Variants in VPS13D observed in about 807,000 individuals in gnomAD.
The protein encoded by VPS13D is vacuolar protein sorting 13 homolog D.
A neutral mutation model predicts 461.9 loss-of-function variants in VPS13D; 187 were observed. The observed-to-expected ratio is 0.40, with a 90% CI of 0.36 to 0.46. VPS13D has a LOEUF of 0.46. VPS13D is among the 20% of genes least tolerant of loss of function. VPS13D has a pLI of 0.60. For synonymous variants in VPS13D, 1,951 were observed against 1,986.3 expected (o/e 0.98, Z 0.47); for missense variants, 4,711 against 5,364.9 (o/e 0.88, Z 3.81).
intron 1 of VPS13D, among the ~76,000 whole-genome samples, chr1:12,230,923 T>C (rs1238105329): frequency 6.6e-6 from 1 of 151,986 alleles, no homozygotes; most frequent in Non-Finnish European, 1.5e-5. Context: ...GGGAGGGTTG[T>C]GGGAGCGTCG....
At chr1:12,239,189 G>C (rs1319578398) in intron 2 of VPS13D, among the ~76,000 whole-genome samples, 6 of 151,930 alleles carry the variant, frequency 3.9e-5, no homozygotes, top group Admixed American at 2.0e-4. Flanking sequence ...CCCCAGGAGT[G>C]CAATGGCACC....
At chr1:12,261,791 A>G in intron 12 of VPS13D, 110 bp from the exon 13 acceptor site, 1 of 993,534 alleles carries the variant, frequency 1.0e-6, no homozygotes, top group South Asian at 2.1e-5. Context: ...CTTTCTTAAC[A>G]AAGGGAAAAA....
intron 26 of VPS13D, among the ~76,000 whole-genome samples, chr1:12,305,789 C>G (rs1569859753): frequency 6.6e-6 from 1 of 152,100 alleles, no homozygotes; most frequent in African/African-American, 2.4e-5. Context: ...TGTTAGCTCT[C>G]TCTGGTACCT....
chr1:12,398,833 G>T (rs1249046704), intron 60 of VPS13D, among the ~76,000 whole-genome samples: 1 of 152,204 alleles, frequency 6.6e-6, no homozygotes, highest in Non-Finnish European at 1.5e-5. Context: ...TGTCTTGAAG[G>T]AATTTGGAGC....
At chr1:12,356,895 T>C (rs970971262) in intron 49 of VPS13D, among the ~76,000 whole-genome samples, 1 of 152,248 alleles carries the variant, frequency 6.6e-6, no homozygotes, top group African/African-American at 2.4e-5. Flanking sequence ...GGACATAGGC[T>C]GGTTCTTTGG....
In VPS13D at chr1:12,353,389, T is replaced by A. The variant is rs1643849624; in HGVS notation, c.9432-585T>A. Among the ~76,000 whole-genome samples the A allele has an allele frequency of 1.3e-5, 2 of 151,698 alleles. 1 individual carries two copies. The highest frequency in any genetic ancestry group is 2.9e-5 in the Non-Finnish European group (2 of 67,916). On this transcript the variant is annotated intron_variant, in intron 46 of 69. Transcript: ENST00000620676. Reference sequence around the variant, plus strand: ...TCTACTAAAAATACAAAAAATTAGCTGGACGTGGTGGTGGTCGCCTGTAGT... The same window carrying A: ...TCTACTAAAAATACAAAAAATTAGCAGGACGTGGTGGTGGTCGCCTGTAGT...
Position 12,276,528 on chromosome 1 carries a change from G to A in VPS13D, c.2940G>A (p.Val980=), listed in dbSNP as rs576513262. The A allele has an allele frequency of 3.1e-6, 5 of 1,614,172 alleles. No individual in the cohort carries two copies. The African/African-American group carries it at 5.3e-5, about 17-fold the overall frequency. The change falls in exon 19 of 70, where the codon GTG becomes GTA. Residue 980 remains valine, a synonymous_variant. Transcript: ENST00000620676. The surrounding 1 kb of genome is among the most constrained non-coding windows in gnomAD (Gnocchi z 4.5). ...GCCGGTACATTTCTGTGCTCAAGGTGTTTGGTACCAATGCTCACTTTGTGA... is the reference window on the plus strand; with the variant it reads ...GCCGGTACATTTCTGTGCTCAAGGTATTTGGTACCAATGCTCACTTTGTGA... ...SNGRYISVLK[V]FGTNAHFVKR...
In VPS13D at chr1:12,342,947, C is replaced by T. The variant is rs564394555; in HGVS notation, c.8781C>T (p.Asn2927=). 4.3e-5 allele frequency: 70 copies of T among 1,613,540 alleles called. 1 individual carries two copies. In the Middle Eastern group the frequency reaches 5.0e-4, roughly 11 times the overall value. The change falls in exon 42 of 70, where the codon AAC becomes AAT. Residue 2927 remains asparagine, a synonymous_variant. Coordinates refer to ENST00000620676, the MANE Select transcript of VPS13D (RefSeq NM_015378.4). ...GTCCAGGGGTAGTTCCAGAAGGGAA[C>T]GGAACATTTCTCGATGATACTCACA... ...SGSPGVVPEG[N]GTFLDDTHNV...
chr1:12,240,915 A>G (rs1640333694), intron 2 of VPS13D, among the ~76,000 whole-genome samples: 1 of 151,810 alleles, frequency 6.6e-6, no homozygotes, highest in Non-Finnish European at 1.5e-5. Flanking sequence ...AAGTTGCTAG[A>G]TTTGAATTCT....
In VPS13D at chr1:12,279,655, A is replaced by G. The variant is rs775137301; in HGVS notation, c.4602+5A>G. 1 of 1,607,362 alleles carries G rather than the reference A, an allele frequency of 6.2e-7. No homozygotes were observed. Among genetic ancestry groups the G allele is most frequent in the Non-Finnish European group, 8.5e-7 (1 of 1,175,166 alleles). ...AAATTTGTCAATCCAGTTCAGGTAA[A>G]TTCATGTCAGGGCAGTTGAAGTCAT... On this transcript the variant is annotated splice_donor_5th_base_variant and intron_variant, in intron 20 of 69. Transcript: ENST00000620676. This position sits in a 1 kb window ranked among gnomAD's most constrained non-coding sequence, Gnocchi z 4.3.
At chr1:12,446,482 A>G (rs1319675582) in intron 65 of VPS13D, among the ~76,000 whole-genome samples, 1 of 152,000 alleles carries the variant, frequency 6.6e-6, no homozygotes, top group Non-Finnish European at 1.5e-5. Flanking sequence ...AACCAAATGA[A>G]CTTTCAAAAT....
intron 65 of VPS13D, among the ~76,000 whole-genome samples, chr1:12,429,051 T>C (rs1570153454): frequency 6.6e-6 from 1 of 151,106 alleles, no homozygotes; most frequent in East Asian, 1.9e-4. Flanking sequence ...ACGGTCTGTA[T>C]TTATTTGCAT....
intron 7 of VPS13D, among the ~76,000 whole-genome samples, chr1:12,255,247 G>T (rs1392629995): frequency 3.9e-5 from 6 of 152,100 alleles, no homozygotes; most frequent in Non-Finnish European, 7.4e-5. Flanking sequence ...TGCCCGGCAG[G>T]TTTTTGTTTT....
chr1:12,358,314 C>G, intron 49 of VPS13D, 145 bp from the exon 50 acceptor site: 8 of 1,122,230 alleles, frequency 7.1e-6, no homozygotes, highest in Non-Finnish European at 1.0e-5. Context: ...TGTCACTGTG[C>G]TAGGGAATCA....
At position 12,318,256 on chromosome 1, in the gene VPS13D, G is replaced by A. The variant is rs1314044635; in HGVS notation, c.7333G>A (p.Val2445Met). The A allele has an allele frequency of 6.2e-7, 1 of 1,614,190 alleles. No homozygotes were observed. The highest frequency in any genetic ancestry group is 8.5e-7 in the Non-Finnish European group (1 of 1,180,032). Residue 2445 changes from valine (V) to methionine (M), a missense_variant, in exon 31 of 70, where the codon GTG becomes ATG. Coordinates refer to ENST00000620676, the MANE Select transcript of VPS13D (RefSeq NM_015378.4). ...CGAATCTGCTATAGTTCCCAAAACT[G>A]TGAAGAGTGGAGTAGTTACCAAGCG... ...SSESAIVPKT[V>M]KSGVVTKRSS...
intron 67 of VPS13D, among the ~76,000 whole-genome samples, chr1:12,477,231 T>C (rs886723447): frequency 4.0e-5 from 6 of 150,986 alleles, no homozygotes; most frequent in African/African-American, 1.5e-4. Context: ...GCTCCTCTTA[T>C]ACCTTTGGTT....
intron 53 of VPS13D, among the ~76,000 whole-genome samples, chr1:12,368,985 T>G (rs1644077673): frequency 6.6e-6 from 1 of 152,202 alleles, no homozygotes; most frequent in Non-Finnish European, 1.5e-5. Flanking sequence ...TTCAAGAAAG[T>G]CAATATGGAA....
Position 12,253,737 on chromosome 1 carries a change from C to T in VPS13D, c.580C>T (p.Arg194Trp). The change falls in exon 7 of 70, where the codon CGG (arginine) becomes TGG (tryptophan). Residue 194 changes from arginine to tryptophan, a missense_variant. Arg to Trp is a moderately radical substitution (Grantham distance 101, BLOSUM62 -3). Around this residue, in one of 3 missense-constraint regions of VPS13D, gnomAD observed 4,411 missense variants for 4,937.8 expected, o/e 0.89. Coordinates refer to ENST00000620676, the MANE Select transcript of VPS13D (RefSeq NM_015378.4). ...TTTACCTCAGGTACAGAAACTAATGCGGAAAAAGCAATTAGACGTAGCAGA... is the reference window on the plus strand; with the variant it reads ...TTTACCTCAGGTACAGAAACTAATGTGGAAAAAGCAATTAGACGTAGCAGA... Reference protein sequence around the residue: ...AVNEPVQKLMRKKQLDVAEFS... With the variant: ...AVNEPVQKLMWKKQLDVAEFS... 6.2e-7 allele frequency: 1 copy of T among 1,613,724 alleles called. No homozygotes were observed. Among genetic ancestry groups the T allele is most frequent in the Non-Finnish European group, 8.5e-7 (1 of 1,179,748 alleles).
At chr1:12,258,342 A>G (rs999092773) in intron 10 of VPS13D, among the ~76,000 whole-genome samples, 6 of 152,114 alleles carry the variant, frequency 3.9e-5, no homozygotes, top group South Asian at 2.1e-4. Flanking sequence ...TGGTCCTGCT[A>G]TGCCTTTGCG....
Sources: allele counts gnomAD v4.1 joint callset (sites outside exome capture counted in the v4.1 genomes callset), GRCh38; gene constraint gnomAD v4.1.1; regional missense constraint gnomAD v4.1.1; non-coding constraint Gnocchi (gnomAD v3.1); transcripts MANE v1.5; gene names NCBI Gene and HGNC (gene_info 2026-07-23, HGNC 2026-07-21).